Variants in ARHGEF11 observed in about 807,000 individuals in gnomAD.
ARHGEF11 encodes the protein Rho guanine nucleotide exchange factor 11.
In ARHGEF11, 55 loss-of-function variants were observed where a neutral mutation model predicts 193.7. That is an observed-to-expected ratio of 0.28 (90% confidence interval 0.23 to 0.36). ARHGEF11 has a LOEUF of 0.36. Ranked by LOEUF, ARHGEF11 falls within the 10% of genes least tolerant of loss-of-function variation. ARHGEF11 has a pLI of 1.00. For missense variants in ARHGEF11, 1,723 were observed against 2,005.6 expected (o/e 0.86, Z 2.69); for synonymous variants, 693 against 768.0 (o/e 0.90, Z 1.62).
chr1:157,045,478 T>G lies in ARHGEF11; in HGVS notation c.-1148A>C, dbSNP rs1673221001. 1 of 152,262 alleles carries G rather than the reference T, an allele frequency of 6.6e-6. No individual in the cohort carries two copies. Among genetic ancestry groups the G allele is most frequent in the African/African-American group, 2.4e-5 (1 of 41,462 alleles). The allele number at this position is 152,262 out of a possible 1,614,324, so 9.4% of individuals were successfully genotyped here. ...TGGATTTGAGTTCGAGGTGGGTTTT[T>G]CTTCCACACCAGACTCCTGGAAAAT... On this transcript the variant is annotated 5_prime_UTR_variant, in exon 1 of 41. Coordinates refer to ENST00000368194, the MANE Select transcript of ARHGEF11 (RefSeq NM_198236.3).
intron 1 of ARHGEF11, among the ~76,000 whole-genome samples, chr1:157,017,198 C>T (rs2102860848): frequency 6.6e-6 from 1 of 152,286 alleles, no homozygotes; most frequent in Non-Finnish European, 1.5e-5. Context: ...CTCAGGCAGT[C>T]ATACCCTTCC....
At chr1:156,959,011 G>A (rs779219052) in intron 16 of ARHGEF11, 35 bp downstream of exon 16, 16 of 1,611,654 alleles carry the variant, frequency 9.9e-6, no homozygotes, top group East Asian at 4.5e-5. Flanking sequence ...GGAGGTGAAC[G>A]AGGAGAGAGG....
chr1:156,997,585 C>A (rs1666703367), intron 1 of ARHGEF11, among the ~76,000 whole-genome samples: 1 of 152,264 alleles, frequency 6.6e-6, no homozygotes, highest in South Asian at 2.1e-4. Context: ...GAGGGACAGA[C>A]TGCTGAGAGT....
intron 1 of ARHGEF11, among the ~76,000 whole-genome samples, chr1:157,005,964 T>C (rs930743123): frequency 2.0e-5 from 3 of 152,228 alleles, no homozygotes; most frequent in Admixed American, 1.3e-4. Context: ...AATTTTGCAT[T>C]CTCCTCTGCT....
intron 11 of ARHGEF11, 185 bp downstream of exon 11, chr1:156,967,802 A>C: frequency 5.6e-6 from 4 of 715,914 alleles, no homozygotes; most frequent in East Asian, 2.7e-5. Flanking sequence ...TTACTTTCAT[A>C]TCTCTATTTA....
intron 37 of ARHGEF11, 36 bp downstream of exon 37, chr1:156,939,512 G>A: frequency 6.2e-7 from 1 of 1,604,170 alleles, no homozygotes; most frequent in Non-Finnish European, 8.5e-7. Flanking sequence ...TAGCAAGGGT[G>A]CTTGTCTCCC....
At chr1:156,969,501 C>T in intron 9 of ARHGEF11, 143 bp from the exon 10 acceptor site, 2 of 737,898 alleles carry the variant, frequency 2.7e-6, no homozygotes, top group East Asian at 2.7e-5. Context: ...TCTCTCATCC[C>T]ATGACCTCTA....
intron 1 of ARHGEF11, among the ~76,000 whole-genome samples, chr1:157,006,299 T>C (rs1010133185): frequency 1.3e-5 from 2 of 152,154 alleles, no homozygotes; most frequent in South Asian, 2.1e-4. Flanking sequence ...AAAGACTAGA[T>C]AGCCAAAGAG....
At chr1:156,974,285 G>T (rs925777498) in intron 7 of ARHGEF11, among the ~76,000 whole-genome samples, 2 of 152,020 alleles carry the variant, frequency 1.3e-5, no homozygotes, top group African/African-American at 4.8e-5. Context: ...CCAGGCTGGT[G>T]TTGAACTCGT....
At chr1:156,941,513 G>A in intron 34 of ARHGEF11, 80 bp from the exon 35 acceptor site, 1 of 1,487,078 alleles carries the variant, frequency 6.7e-7, no homozygotes, top group Non-Finnish European at 9.4e-7. Context: ...CAATGGAGTA[G>A]GATCCGAGAA....
At chr1:156,984,931 A>G (rs1664706999) in intron 2 of ARHGEF11, among the ~76,000 whole-genome samples, 1 of 151,958 alleles carries the variant, frequency 6.6e-6, no homozygotes, top group Admixed American at 6.6e-5. Flanking sequence ...GTGACTTAGG[A>G]GTGGTCTCTT....
At chr1:157,003,474 C>G (rs946700733) in intron 1 of ARHGEF11, among the ~76,000 whole-genome samples, 1 of 152,368 alleles carries the variant, frequency 6.6e-6, no homozygotes, top group Non-Finnish European at 1.5e-5. Context: ...ATACACTAAG[C>G]ATCTGCTGAG....
intron 30 of ARHGEF11, 111 bp downstream of exon 30, chr1:156,944,908 A>G (rs1657832843): frequency 2.2e-6 from 3 of 1,392,010 alleles, no homozygotes; most frequent in African/African-American, 1.4e-5. Context: ...GTGCCACCCT[A>G]TCTGGTCTCT....
Position 156,937,234 on chromosome 1 carries a change from C to T in ARHGEF11, c.4440+15G>A. 1.9e-6 allele frequency: 3 copies of T among 1,613,736 alleles called. No homozygotes were observed. The highest frequency in any genetic ancestry group is 2.5e-6 in the Non-Finnish European group (3 of 1,179,832). On this transcript the variant is annotated intron_variant, in intron 39 of 40. Transcript: ENST00000368194. ...GACTGAAGGCCTGCAGGGACCCAAG[C>T]CCTGCTTCCCTCACCTTGAGCCTGT...
intron 38 of ARHGEF11, 29 bp from the exon 39 acceptor site, chr1:156,937,525 G>A: frequency 1.3e-6 from 2 of 1,506,114 alleles, no homozygotes; most frequent in Non-Finnish European, 1.8e-6. Context: ...AATGAGATCA[G>A]GAGGCAAACA....
chr1:157,036,271 C>T (rs1424708674), intron 1 of ARHGEF11, among the ~76,000 whole-genome samples: 1 of 148,932 alleles, frequency 6.7e-6, no homozygotes, highest in Non-Finnish European at 1.5e-5. Flanking sequence ...AAACCATGAC[C>T]CAACTTCCTA....
chr1:157,042,199 T>C (rs1232009776), intron 1 of ARHGEF11, among the ~76,000 whole-genome samples: 2 of 152,150 alleles, frequency 1.3e-5, no homozygotes, highest in Non-Finnish European at 2.9e-5. Flanking sequence ...CCTGCAAAGC[T>C]GCACTATCTT....
chr1:157,016,802 T>TTA (rs761181698), intron 1 of ARHGEF11, among the ~76,000 whole-genome samples: 2 of 1,170 alleles, frequency 1.7e-3, no homozygotes, highest in East Asian at 0.077. Flanking sequence ...GTTTTTATTA[T>TTA]TTATTTATTT....
At chr1:157,029,267 G>GTTGTTGTTT (rs1469611884) in intron 1 of ARHGEF11, among the ~76,000 whole-genome samples, 1 of 150,966 alleles carries the variant, frequency 6.6e-6, no homozygotes, top group Non-Finnish European at 1.5e-5. Flanking sequence ...GGTTTTTGTT[G>GTTGTTGTTT]TTGTTGTTGT....
Sources: allele counts gnomAD v4.1 joint callset (sites outside exome capture counted in the v4.1 genomes callset), GRCh38; gene constraint gnomAD v4.1.1; transcripts MANE v1.5; gene names NCBI Gene and HGNC (gene_info 2026-07-23, HGNC 2026-07-21).